Variants in NARF observed in about 807,000 individuals in gnomAD.
NARF encodes the protein iron-only hydrogenase-like protein 2.
Under a neutral mutation model 48.0 loss-of-function variants are expected in NARF, and 41 were observed. That is an observed-to-expected ratio of 0.85 (90% CI 0.66 to 1.11). NARF has a LOEUF of 1.11. NARF is among the 50% of genes least tolerant of loss of function. The pLI, the probability that NARF is intolerant of heterozygous loss-of-function variation, is 0.00. For missense variants in NARF, 613 were observed against 590.2 expected, an observed-to-expected ratio of 1.04 and a Z score of -0.40; for synonymous variants, 215 against 225.5, an observed-to-expected ratio of 0.95 and a Z score of 0.42.
At chr17:82,467,166 C>G (rs2043590194) in intron 3 of NARF, among the ~76,000 whole-genome samples, 2 of 152,036 alleles carry the variant, frequency 1.3e-5, no homozygotes, top group East Asian at 3.9e-4. Flanking sequence ...CCTGCCTCAG[C>G]CCCCTGAGTA....
intron 2 of NARF, chr17:82,460,925 TCCCC>T (rs2043421689): frequency 6.6e-6 from 1 of 152,170 alleles, no homozygotes; most frequent in African/African-American, 2.4e-5. Flanking sequence ...ATTTTTTTTT[TCCCC>T]TTTTGAGACA....
upstream of NARF, chr17:82,458,469 G>A (rs1386167289): frequency 6.6e-6 from 2 of 303,482 alleles, no homozygotes; most frequent in Non-Finnish European, 6.1e-6. Context: ...GGACCCACGA[G>A]AAGCGGAAAC....
Position 82,472,546 on chromosome 17 carries a change from T to C in NARF, c.386-18T>C, listed in dbSNP as rs781441918. The C allele has an allele frequency of 5.7e-6, 9 of 1,592,852 alleles. No homozygotes were observed. Among genetic ancestry groups the C allele is most frequent in the Non-Finnish European group, 7.7e-6 (9 of 1,170,366 alleles). ...TTTAGTACGTGATTTAAGCTGAATA[T>C]GCTCCTCTCTCCTGCAGGGGTGCAC... is the stretch of plus-strand genomic sequence containing the variant. On this transcript the variant is annotated intron_variant, in intron 4 of 10. Transcript: ENST00000309794.
At chr17:82,465,767 T>C (rs1222996704) in intron 3 of NARF, among the ~76,000 whole-genome samples, 2 of 152,162 alleles carry the variant, frequency 1.3e-5, no homozygotes, top group Non-Finnish European at 2.9e-5. Context: ...GGTTTTGCCA[T>C]GTTGCCCAGG....
rs865802253 is a variant in NARF at position 82,489,974 on chromosome 17, C to T, written c.*1817C>T. ...TCTGGAGTAGCTGGGATTACAGGCG[C>T]GCGCCACCGCGCCTGGCTAATTGTA... On this transcript the variant is annotated 3_prime_UTR_variant, in exon 11 of 11. Transcript: ENST00000309794. 2.6e-5 allele frequency: 4 copies of T among 152,106 alleles called. No homozygotes were observed. The highest frequency in any genetic ancestry group is 6.6e-5 in the Admixed American group (1 of 15,260). 9.4% of individuals were successfully genotyped at this position (152,106 alleles called of 1,614,324 possible). A position where few individuals can be genotyped will look rare whatever the true frequency, so the allele number is the denominator to read the frequency against.
At chr17:82,466,283 T>C (rs1599822539) in intron 3 of NARF, among the ~76,000 whole-genome samples, 1 of 152,142 alleles carries the variant, frequency 6.6e-6, no homozygotes, top group Non-Finnish European at 1.5e-5. Context: ...AAATTCAGTT[T>C]TTTCCCCCCT....
intron 5 of NARF, among the ~76,000 whole-genome samples, chr17:82,474,207 G>A (rs778233927): frequency 6.6e-6 from 1 of 152,118 alleles, no homozygotes; most frequent in Non-Finnish European, 1.5e-5. Flanking sequence ...TCTCTTGAAA[G>A]TACAACATAT....
chr17:82,463,934 A>G, intron 2 of NARF: 1 of 194,540 alleles, frequency 5.1e-6, no homozygotes, highest in South Asian at 1.2e-4. Context: ...GATCACAGGC[A>G]CCAAAGAGGA....
chr17:82,463,526 C>T (rs1309124176), intron 2 of NARF: 1 of 152,246 alleles, frequency 6.6e-6, no homozygotes, highest in Admixed American at 6.5e-5. Flanking sequence ...GAGGTTGCTT[C>T]ATGCAGAAGG....
At chr17:82,473,966 T>G (rs1288640017) in intron 5 of NARF, among the ~76,000 whole-genome samples, 1 of 152,172 alleles carries the variant, frequency 6.6e-6, no homozygotes, top group Admixed American at 6.6e-5. Flanking sequence ...GGAGGATTGC[T>G]TTAGCCCAGG....
chr17:82,485,486 T>A lies in NARF; in HGVS notation c.972-11T>A. On this transcript the variant is annotated splice_polypyrimidine_tract_variant and intron_variant, in intron 9 of 10. Coordinates refer to ENST00000309794, the MANE Select transcript of NARF (RefSeq NM_012336.4). ...CTTGATGGATCAAAATTCTCTGTGT[T>A]CATTTTGTAGAAACAAAGACTTCCA... 1 of 1,613,296 alleles carries A rather than the reference T, an allele frequency of 6.2e-7. No individual in the cohort carries two copies. The highest frequency in any genetic ancestry group is 1.1e-5 in the South Asian group (1 of 91,012).
intron 10 of NARF, among the ~76,000 whole-genome samples, chr17:82,486,232 G>C (rs905224874): frequency 1.3e-5 from 2 of 152,162 alleles, no homozygotes; most frequent in Non-Finnish European, 2.9e-5. Flanking sequence ...TCTCCGGGAA[G>C]GACTTGCTGA....
chr17:82,485,816 A>G (rs2044084009), intron 10 of NARF, among the ~76,000 whole-genome samples, 162 bp downstream of exon 10: 1 of 152,188 alleles, frequency 6.6e-6, no homozygotes, highest in Admixed American at 6.5e-5. Flanking sequence ...GTGCTGGGAC[A>G]TTCTAGGCTC....
chr17:82,473,220 C>T (rs1194319979), intron 5 of NARF, among the ~76,000 whole-genome samples: 2 of 151,606 alleles, frequency 1.3e-5, no homozygotes, highest in East Asian at 2.0e-4. Flanking sequence ...GGATTACAGG[C>T]GTGAGCCACT....
At chr17:82,469,359 G>A (rs2043644446) in intron 4 of NARF, among the ~76,000 whole-genome samples, 1 of 152,198 alleles carries the variant, frequency 6.6e-6, no homozygotes, top group Admixed American at 6.6e-5. Flanking sequence ...AGGAATGAAA[G>A]GTAGAAATTT....
chr17:82,475,267 G>C (rs1048976538), intron 5 of NARF, among the ~76,000 whole-genome samples: 1 of 152,148 alleles, frequency 6.6e-6, no homozygotes, highest in Non-Finnish European at 1.5e-5. Context: ...AAATGACAAC[G>C]AACTAAGGCC....
rs190651387 is a variant in NARF, at chr17:82,488,528, C to T, written c.*371C>T. ...GTAGCTGGGACTAACGCGCACACCA[C>T]CATGCCCAGCTAATTTTTGTATTTT... On this transcript the variant is annotated 3_prime_UTR_variant, in exon 11 of 11. Coordinates refer to ENST00000309794, the MANE Select transcript of NARF (RefSeq NM_012336.4). The T allele has an allele frequency of 1.5e-3, 289 of 186,940 alleles. 2 individuals are homozygous for T. The highest frequency in any genetic ancestry group is 2.5e-3 in the Admixed American group (47 of 18,714). 11.6% of individuals were successfully genotyped at this position (186,940 alleles called of 1,614,324 possible).
chr17:82,466,893 A>G (rs1443291507), intron 3 of NARF, among the ~76,000 whole-genome samples: 2 of 151,678 alleles, frequency 1.3e-5, no homozygotes, highest in Non-Finnish European at 2.9e-5. Context: ...GGCCTTCACC[A>G]TGTTGGCCAG....
In NARF at chr17:82,464,356, A is replaced by G. The variant is rs2143833886; in HGVS notation, c.178A>G (p.Met60Val). ...LSDCLACDSCMTAEEGVQLSQ... is the reference protein window; with the variant it reads ...LSDCLACDSCVTAEEGVQLSQ... ...CGACTGCCTGGCATGTGACAGCTGT[A>G]TGACTGCAGAGGAAGGAGTCCAACT... The change falls in exon 3 of 11, where the codon ATG becomes GTG. Residue 60 changes from methionine (M) to valine (V), a missense_variant. By Grantham distance (21) the Met-to-Val change is conservative. Transcript: ENST00000309794. The G allele has an allele frequency of 1.2e-6, 2 of 1,614,156 alleles. No homozygotes were observed. Among genetic ancestry groups the G allele is most frequent in the Non-Finnish European group, 1.7e-6 (2 of 1,179,992 alleles).
Sources: gnomAD v4.1 joint callset for allele counts (sites outside exome capture counted in the v4.1 genomes callset) on GRCh38, gnomAD v4.1.1 for gene constraint, MANE v1.5 for transcripts, NCBI Gene and HGNC (gene_info 2026-07-23, HGNC 2026-07-21) for gene names.